Variants in PHKA1 observed in about 807,000 individuals in gnomAD.
PHKA1 encodes the protein phosphorylase b kinase regulatory subunit alpha, skeletal muscle isoform.
In PHKA1, 60 loss-of-function variants were observed where a neutral mutation model predicts 110.2. The observed-to-expected ratio is 0.54, with a 90% CI of 0.44 to 0.68. The LOEUF (loss-of-function observed/expected upper bound fraction) is 0.68. Ranked by LOEUF, PHKA1 falls within the 30% of genes least tolerant of loss-of-function variation. The pLI is 0.00. For missense variants in PHKA1, 801 were observed against 942.5 expected (o/e 0.85, Z 1.97); for synonymous variants, 316 against 333.6 (o/e 0.95, Z 0.58).
intron 2 of PHKA1, among the ~76,000 whole-genome samples, chrX:72,707,112 AAT>A (rs1478867252): frequency 9.0e-6 from 1 of 111,487 alleles, no homozygotes; most frequent in South Asian, 3.8e-4. Flanking sequence ...GACATAAATC[AAT>A]ATATATCTGT....
At chrX:72,670,863 G>A (rs1373163899) in intron 6 of PHKA1, among the ~76,000 whole-genome samples, 1 of 111,600 alleles carries the variant, frequency 9.0e-6, no homozygotes, top group Admixed American at 9.5e-5. Context: ...GATGCAGAAA[G>A]GGCCTTTGAC....
At chrX:72,690,770 T>TTTTG (rs1169143044) in intron 4 of PHKA1, among the ~76,000 whole-genome samples, 3 of 111,877 alleles carry the variant, frequency 2.7e-5, no homozygotes, top group African/African-American at 9.7e-5. Context: ...TAATTTCTTT[T>TTTTG]TTTGTTTGTT....
At chrX:72,610,745 G>A (rs1679632228) in intron 22 of PHKA1, among the ~76,000 whole-genome samples, 1 of 111,531 alleles carries the variant, frequency 9.0e-6, no homozygotes, top group African/African-American at 3.3e-5. Context: ...CACTAATGGT[G>A]TATGGATGTT....
chrX:72,603,874 A>G (rs2052691615), intron 25 of PHKA1, among the ~76,000 whole-genome samples: 1 of 111,304 alleles, frequency 9.0e-6, no homozygotes, highest in Admixed American at 9.6e-5. Flanking sequence ...GGTATAGACA[A>G]TAATTGCCTT....
At chrX:72,592,326 A>T (rs1304123288) in intron 29 of PHKA1, among the ~76,000 whole-genome samples, 2 of 112,510 alleles carry the variant, frequency 1.8e-5, no homozygotes, top group African/African-American at 6.5e-5. Context: ...ATCCATGCCC[A>T]AAGGGGAAAA....
chrX:72,676,284 A>C, intron 5 of PHKA1, 134 bp from the exon 6 acceptor site: 1 of 438,809 alleles, frequency 2.3e-6, no homozygotes, highest in Non-Finnish European at 3.9e-6. Context: ...TATACCCACA[A>C]TGCTTATTAA....
chrX:72,674,000 C>T (rs1205802346), intron 6 of PHKA1, among the ~76,000 whole-genome samples: 1 of 87,619 alleles, frequency 1.1e-5, no homozygotes, highest in East Asian at 3.9e-4. Context: ...GTTCCCCCTT[C>T]CTGTGTCCAT....
intron 5 of PHKA1, among the ~76,000 whole-genome samples, chrX:72,682,234 A>C (rs1209148859): frequency 1.5e-5 from 1 of 68,827 alleles, no homozygotes; most frequent in Non-Finnish European, 2.8e-5. Context: ...TCCGGGAGGG[A>C]GGTTGGGGGG....
At chrX:72,647,987 T>C (rs782799478) in intron 13 of PHKA1, among the ~76,000 whole-genome samples, 5 of 111,689 alleles carry the variant, frequency 4.5e-5, no homozygotes, top group Non-Finnish European at 9.4e-5. Context: ...CCTACCAAAT[T>C]TGGCAATACA....
intron 6 of PHKA1, among the ~76,000 whole-genome samples, chrX:72,672,408 G>A (rs1726793344): frequency 9.0e-6 from 1 of 111,706 alleles, no homozygotes; most frequent in African/African-American, 3.3e-5. Context: ...GGCCCCATCT[G>A]GTGAGGGCTT....
chrX:72,580,974 G>C lies in PHKA1; in HGVS notation c.*28C>G. The C allele has an allele frequency of 8.4e-7, 1 of 1,195,196 alleles. No individual in the cohort carries two copies. The highest frequency in any genetic ancestry group is 1.1e-6 in the Non-Finnish European group (1 of 881,691). Reference sequence around the variant, plus strand: ...CCGAGGCAGGGACCAGCTGTCAAAAGGCTCCCAGAAGCCAGGAACCAAAGC... The same window carrying C: ...CCGAGGCAGGGACCAGCTGTCAAAACGCTCCCAGAAGCCAGGAACCAAAGC... On this transcript the variant is annotated 3_prime_UTR_variant, in exon 32 of 32. Transcript: ENST00000373542.
intron 18 of PHKA1, 182 bp downstream of exon 18, chrX:72,622,927 G>T: frequency 3.2e-5 from 24 of 753,477 alleles, no homozygotes; most frequent in Non-Finnish European, 3.8e-5. Flanking sequence ...ATTACCGCAG[G>T]AATATTAGAC....
intron 13 of PHKA1, among the ~76,000 whole-genome samples, chrX:72,648,952 C>T (rs1164671064): frequency 9.0e-6 from 1 of 111,183 alleles, no homozygotes; most frequent in Non-Finnish European, 1.9e-5. Flanking sequence ...ACTGCACTGA[C>T]GTCAATGCTA....
At chrX:72,660,662 G>T in intron 8 of PHKA1, 1 of 338,472 alleles carries the variant, frequency 3.0e-6, no homozygotes, top group Non-Finnish European at 5.7e-6. Context: ...TCCTCATTAT[G>T]AGAAATTAAA....
At chrX:72,686,160 T>C (rs1473964363) in intron 4 of PHKA1, among the ~76,000 whole-genome samples, 2 of 112,008 alleles carry the variant, frequency 1.8e-5, no homozygotes, top group Non-Finnish European at 3.8e-5. Flanking sequence ...TGAACACCCA[T>C]TCCAGTTCAG....
At chrX:72,660,830 T>C (rs2053550625) in intron 8 of PHKA1, 1 of 207,032 alleles carries the variant, frequency 4.8e-6, no homozygotes, top group African/African-American at 3.0e-5. Flanking sequence ...TTGTACTCTT[T>C]TGTTTTGGTG....
At chrX:72,611,239 T>C (rs1476536615) in intron 21 of PHKA1, 55 bp from the exon 22 acceptor site, 2 of 995,834 alleles carry the variant, frequency 2.0e-6, no homozygotes, top group East Asian at 6.1e-5. Context: ...CTGGCAATCA[T>C]CTTTTCTTTC....
At chrX:72,620,136 T>A (rs781893743) in intron 19 of PHKA1, among the ~76,000 whole-genome samples, 1 of 111,862 alleles carries the variant, frequency 8.9e-6, no homozygotes, top group Non-Finnish European at 1.9e-5. Context: ...ATTCTCCTCA[T>A]CTGTAAAATG....
intron 30 of PHKA1, among the ~76,000 whole-genome samples, chrX:72,583,506 G>A (rs1556206344): frequency 9.0e-6 from 1 of 111,679 alleles, no homozygotes; most frequent in Non-Finnish European, 1.9e-5. Flanking sequence ...AGGCAATAGT[G>A]AAGCCCTGAA....
Sources: allele counts gnomAD v4.1 joint callset (sites outside exome capture counted in the v4.1 genomes callset), GRCh38; gene constraint gnomAD v4.1.1; transcripts MANE v1.5; gene names NCBI Gene and HGNC (gene_info 2026-07-23, HGNC 2026-07-21).